Variants in BRINP2 observed in about 807,000 individuals in gnomAD.
The protein encoded by BRINP2 is BMP/retinoic acid inducible neural specific 2.
In BRINP2, 21 loss-of-function variants were observed where a neutral mutation model predicts 69.2. That is an observed-to-expected ratio of 0.30 (90% CI 0.22 to 0.44). The LOEUF (loss-of-function observed/expected upper bound fraction) is 0.44, where lower values mean the gene tolerates loss of function less well. Among genes scored for constraint, BRINP2 ranks in the 20% least tolerant of loss-of-function variants. The pLI, the probability that BRINP2 is intolerant of heterozygous loss-of-function variation, is 1.00. For synonymous variants in BRINP2, 380 were observed against 394.1 expected (o/e 0.96, Z 0.42); for missense variants, 877 against 986.0 (o/e 0.89, Z 1.48).
intron 2 of BRINP2, among the ~76,000 whole-genome samples, chr1:177,232,355 G>A (rs1326338187): frequency 6.6e-6 from 1 of 152,126 alleles, no homozygotes; most frequent in Non-Finnish European, 1.5e-5. Context: ...GTTGGTAATG[G>A]TTTTCTGATC....
Position 177,276,270 on chromosome 1 carries a change from G to A in BRINP2, c.848G>A (p.Ser283Asn). 2 of 1,614,236 alleles carry A rather than the reference G, an allele frequency of 1.2e-6. No individual in the cohort carries two copies. The highest frequency in any genetic ancestry group is 4.5e-5 in the East Asian group (2 of 44,886). ...GCAGCACTCAGCTACATCACATGCAGCTCTGAGGGTGAGCTCGTCTGCAAG... is the reference window on the plus strand; with the variant it reads ...GCAGCACTCAGCTACATCACATGCAACTCTGAGGGTGAGCTCGTCTGCAAG... The part of the protein sequence containing the change: ...VAAALSYITC[S>N]SEGELVCKEN... Residue 283 changes from serine (S) to asparagine (N), a missense_variant, in exon 6 of 8, where the codon AGC (serine) becomes AAC (asparagine). Physicochemically the swap from Ser to Asn is conservative, Grantham distance 46. Coordinates refer to ENST00000361539, the MANE Select transcript of BRINP2 (RefSeq NM_021165.4).
chr1:177,191,102 A>T (rs1354679727), intron 1 of BRINP2, among the ~76,000 whole-genome samples: 1 of 152,172 alleles, frequency 6.6e-6, no homozygotes, highest in Non-Finnish European at 1.5e-5. Context: ...TGATGTCTTT[A>T]TTAGCTTCTC....
chr1:177,268,910 C>T (rs1158103039), intron 4 of BRINP2, among the ~76,000 whole-genome samples: 2 of 152,172 alleles, frequency 1.3e-5, no homozygotes. Flanking sequence ...TTTCTATGAC[C>T]TTGAGAAGTC....
chr1:177,202,514 G>T (rs531617216), intron 1 of BRINP2, among the ~76,000 whole-genome samples: 41 of 152,308 alleles, frequency 2.7e-4, no homozygotes, highest in African/African-American at 9.4e-4. Context: ...GAGTGGTTTT[G>T]AGTGAGTTTC....
At chr1:177,189,849 G>A (rs1024155408) in intron 1 of BRINP2, among the ~76,000 whole-genome samples, 1 of 152,116 alleles carries the variant, frequency 6.6e-6, no homozygotes, top group Non-Finnish European at 1.5e-5. Context: ...TTAACGTTAA[G>A]TCATGTGCAT....
intron 4 of BRINP2, among the ~76,000 whole-genome samples, chr1:177,265,438 C>T (rs946115040): frequency 4.6e-5 from 7 of 152,208 alleles, no homozygotes; most frequent in African/African-American, 1.7e-4. Flanking sequence ...TAATCTAGGA[C>T]TTCATCAACT....
At chr1:177,190,795 T>G (rs1558153289) in intron 1 of BRINP2, among the ~76,000 whole-genome samples, 1 of 152,172 alleles carries the variant, frequency 6.6e-6, no homozygotes, top group African/African-American at 2.4e-5. Context: ...GCTTCATTAG[T>G]TGTGTGATCG....
intron 1 of BRINP2, among the ~76,000 whole-genome samples, chr1:177,209,043 GT>G (rs1649149369): frequency 6.6e-6 from 1 of 152,044 alleles, no homozygotes; most frequent in African/African-American, 2.4e-5. Context: ...AAACACAGAA[GT>G]GGCAGGGCCC....
chr1:177,208,552 T>G (rs1432809254), intron 1 of BRINP2, among the ~76,000 whole-genome samples: 13 of 152,196 alleles, frequency 8.5e-5, no homozygotes, highest in African/African-American at 2.9e-4. Context: ...GCTGAATCTG[T>G]AGAGAGTGTG....
intron 6 of BRINP2, among the ~76,000 whole-genome samples, chr1:177,277,947 C>T (rs767404226): frequency 4.6e-5 from 7 of 152,140 alleles, no homozygotes; most frequent in Non-Finnish European, 1.0e-4. Flanking sequence ...AGGCAGGTTG[C>T]TTCTAAATTT....
At chr1:177,208,167 T>C (rs140454716) in intron 1 of BRINP2, among the ~76,000 whole-genome samples, 1,643 of 152,274 alleles carry the variant, frequency 0.011, 13 homozygotes, top group Middle Eastern at 0.058. Flanking sequence ...TGAGACAATG[T>C]ATGAAAAGCA....
chr1:177,240,479 CT>C (rs1650165166), intron 2 of BRINP2, among the ~76,000 whole-genome samples: 1 of 152,024 alleles, frequency 6.6e-6, no homozygotes, highest in African/African-American at 2.4e-5. Context: ...AATTTTAAAA[CT>C]TAAAATTCAA....
chr1:177,243,029 C>G (rs182234033), intron 2 of BRINP2, among the ~76,000 whole-genome samples: 2 of 151,562 alleles, frequency 1.3e-5, no homozygotes, highest in East Asian at 3.9e-4. Context: ...ATAGTACTTT[C>G]GTTATAGGAT....
At chr1:177,177,822 G>A (rs1648135727) in intron 1 of BRINP2, among the ~76,000 whole-genome samples, 1 of 152,162 alleles carries the variant, frequency 6.6e-6, no homozygotes, top group Admixed American at 6.5e-5. Flanking sequence ...ATAGTTTCAG[G>A]CACATTGTAG....
chr1:177,272,340 C>G (rs1651353140), intron 4 of BRINP2, among the ~76,000 whole-genome samples: 1 of 152,216 alleles, frequency 6.6e-6, no homozygotes, highest in African/African-American at 2.4e-5. Context: ...GGATGCAGTA[C>G]ACAATGTGTA....
intron 1 of BRINP2, among the ~76,000 whole-genome samples, chr1:177,187,000 C>G (rs113224804): frequency 1.1e-4 from 17 of 152,276 alleles, no homozygotes; most frequent in African/African-American, 3.6e-4. Context: ...TCAGATCTGT[C>G]TGACCCAAAC....
At chr1:177,232,374 T>C (rs1164779789) in intron 2 of BRINP2, among the ~76,000 whole-genome samples, 10 of 152,194 alleles carry the variant, frequency 6.6e-5, no homozygotes, top group Admixed American at 4.6e-4. Context: ...TCATTTAATG[T>C]GACAAGCTCT....
At chr1:177,235,285 G>T (rs1044667107) in intron 2 of BRINP2, among the ~76,000 whole-genome samples, 1 of 152,278 alleles carries the variant, frequency 6.6e-6, no homozygotes, top group Middle Eastern at 3.4e-3. Flanking sequence ...ATGGAGACGG[G>T]AGCAAAAATG....
chr1:177,201,218 G>T (rs965080557), intron 1 of BRINP2, among the ~76,000 whole-genome samples: 1 of 152,096 alleles, frequency 6.6e-6, no homozygotes, highest in Non-Finnish European at 1.5e-5. Flanking sequence ...AACAAAACAG[G>T]TATTGAATAG....
Sources: gnomAD v4.1 joint callset for allele counts (sites outside exome capture counted in the v4.1 genomes callset) on GRCh38, gnomAD v4.1.1 for gene constraint, MANE v1.5 for transcripts, NCBI Gene and HGNC (gene_info 2026-07-23, HGNC 2026-07-21) for gene names.